Variants in MXI1 observed in about 807,000 individuals in gnomAD.
MXI1 encodes the protein max-interacting protein 1.
MXI1 carries 18 observed loss-of-function variants against 36.9 expected under a neutral mutation model. That is an observed-to-expected ratio of 0.49 (90% CI 0.34 to 0.72). The LOEUF (loss-of-function observed/expected upper bound fraction) is 0.72, where lower values mean the gene tolerates loss of function less well. MXI1 is among the 30% of genes least tolerant of loss of function. The probability of loss-of-function intolerance (pLI) is 0.01; values close to 1 mark genes in which losing one functional copy is unlikely to be tolerated. For missense variants in MXI1, 304 were observed against 379.1 expected (o/e 0.80, Z 1.64); for synonymous variants, 160 against 146.7 (o/e 1.09, Z -0.65).
At chr10:110,237,341 T>A (rs958525318) in intron 2 of MXI1, among the ~76,000 whole-genome samples, 1 of 152,190 alleles carries the variant, frequency 6.6e-6, no homozygotes. Context: ...CTTAGATGCC[T>A]TTTAGGTTGA....
At chr10:110,227,194 GGGTCGCGC>G in intron 1 of MXI1, 1 of 414,678 alleles carries the variant, frequency 2.4e-6, no homozygotes, top group Non-Finnish European at 3.1e-6. Context: ...TGTGCGGGGA[GGGTCGCGC>G]GTGTGTGAGG....
intron 3 of MXI1, among the ~76,000 whole-genome samples, chr10:110,276,991 G>A (rs1216690942): frequency 1.3e-5 from 2 of 151,860 alleles, no homozygotes; most frequent in Non-Finnish European, 2.9e-5. Context: ...GATTACAGGC[G>A]TGCACCACCA....
In MXI1 at chr10:110,208,168, G is replaced by A. The variant is rs1451167173; in HGVS notation, c.274+86G>A. On this transcript the variant is annotated intron_variant, in intron 1 of 5. Transcript: ENST00000332674. ...GCGACCCCTGTTGCGAGCTCGGCCCGTCCCCCCCCCGCCCAACATACACAT... is the reference window on the plus strand; with the variant it reads ...GCGACCCCTGTTGCGAGCTCGGCCCATCCCCCCCCCGCCCAACATACACAT... The A allele has an allele frequency of 1.3e-5, 18 of 1,387,570 alleles. No individual in the cohort carries two copies. The Admixed American group carries it at 4.0e-4, about 31-fold the overall frequency. The allele number at this position is 1,387,570 out of a possible 1,614,324, so 86.0% of individuals were successfully genotyped here. A position where few individuals can be genotyped will look rare whatever the true frequency, so the allele number is the denominator to read the frequency against.
At chr10:110,270,418 C>A (rs371540751) in intron 3 of MXI1, among the ~76,000 whole-genome samples, 1 of 151,534 alleles carries the variant, frequency 6.6e-6, no homozygotes, top group African/African-American at 2.4e-5. Flanking sequence ...AGAACAAATG[C>A]CTCTGGAACA....
intron 1 of MXI1, among the ~76,000 whole-genome samples, chr10:110,209,822 C>T (rs747179986): frequency 5.3e-5 from 8 of 152,196 alleles, no homozygotes; most frequent in Non-Finnish European, 1.0e-4. Context: ...CCATCCCCGG[C>T]TACCAGTTCT....
In MXI1 at chr10:110,283,542, C is replaced by T. The variant is rs146462861; in HGVS notation, c.725-1282C>T. ...GCCTCCCAAAGTGCTTGGCCGCACCCGGCTGAATCCACTTTTTTTTTTTTT... is the reference window on the plus strand; with the variant it reads ...GCCTCCCAAAGTGCTTGGCCGCACCTGGCTGAATCCACTTTTTTTTTTTTT... On this transcript the variant is annotated intron_variant, in intron 5 of 5. Coordinates refer to ENST00000332674, the MANE Select transcript of MXI1 (RefSeq NM_130439.3). Among the ~76,000 whole-genome samples the T allele has an allele frequency of 2.9e-3, 423 of 144,848 alleles. 3 individuals are homozygous for T. The highest frequency in any genetic ancestry group is 9.7e-3 in the African/African-American group (398 of 41,022).
chr10:110,244,969 G>A, intron 3 of MXI1, 112 bp downstream of exon 3: 3 of 1,055,378 alleles, frequency 2.8e-6, no homozygotes, highest in East Asian at 2.6e-5. Flanking sequence ...TTTTTCAGAT[G>A]TATAGCCCAT....
chr10:110,266,139 G>A (rs972067241), intron 3 of MXI1, among the ~76,000 whole-genome samples: 4 of 150,210 alleles, frequency 2.7e-5, no homozygotes, highest in Admixed American at 2.7e-4. Context: ...ACAGAGTCTC[G>A]CTCAGTTGCC....
intron 1 of MXI1, among the ~76,000 whole-genome samples, chr10:110,221,393 G>A (rs1411750248): frequency 6.6e-6 from 1 of 152,134 alleles, no homozygotes; most frequent in African/African-American, 2.4e-5. Context: ...TGTTATTTGG[G>A]GAAATATTCA....
At chr10:110,216,662 A>ATTTTTTTTTTTTTTTTTTTT (rs1854643140) in intron 1 of MXI1, among the ~76,000 whole-genome samples, 1 of 63,256 alleles carries the variant, frequency 1.6e-5, no homozygotes, top group African/African-American at 1.3e-4. Flanking sequence ...ATCTGTGTTT[A>ATTTTTTTTTTTTTTTTTTTT]ATGTTTTTTT....
At chr10:110,251,097 T>C (rs1308723313) in intron 3 of MXI1, among the ~76,000 whole-genome samples, 1 of 149,360 alleles carries the variant, frequency 6.7e-6, no homozygotes. Flanking sequence ...CACCTACCTC[T>C]GAGGGAAAAT....
intron 1 of MXI1, among the ~76,000 whole-genome samples, chr10:110,225,710 C>T (rs1371278267): frequency 1.3e-5 from 2 of 152,168 alleles, no homozygotes; most frequent in African/African-American, 4.8e-5. Context: ...TCCCATTCCA[C>T]ATCGTGTCTG....
At chr10:110,258,826 T>C (rs1238245141) in intron 3 of MXI1, among the ~76,000 whole-genome samples, 1 of 152,168 alleles carries the variant, frequency 6.6e-6, no homozygotes, top group Non-Finnish European at 1.5e-5. Flanking sequence ...ACAGTTTCTA[T>C]ACTGACCTTT....
chr10:110,240,252 A>G (rs1257646158), intron 2 of MXI1, among the ~76,000 whole-genome samples: 1 of 152,112 alleles, frequency 6.6e-6, no homozygotes, highest in Non-Finnish European at 1.5e-5. Context: ...GTGAACATGT[A>G]AACATATATT....
chr10:110,211,482 G>A (rs528487759), intron 1 of MXI1, among the ~76,000 whole-genome samples: 1 of 152,328 alleles, frequency 6.6e-6, no homozygotes, highest in East Asian at 1.9e-4. Flanking sequence ...TTTCGGGTTC[G>A]GTGAGACCTT....
chr10:110,274,793 A>G (rs1184931653), intron 3 of MXI1, among the ~76,000 whole-genome samples: 1 of 150,566 alleles, frequency 6.6e-6, no homozygotes, highest in South Asian at 2.1e-4. Flanking sequence ...GTTATTCTCT[A>G]TGTCAGCTCT....
At chr10:110,269,938 C>A (rs1856802825) in intron 3 of MXI1, among the ~76,000 whole-genome samples, 1 of 152,064 alleles carries the variant, frequency 6.6e-6, no homozygotes, top group African/African-American at 2.4e-5. Flanking sequence ...CAACAAAAGG[C>A]CAAAGAGTAG....
intron 3 of MXI1, chr10:110,261,063 C>T (rs1856493864): frequency 6.1e-6 from 6 of 982,900 alleles, no homozygotes; most frequent in Middle Eastern, 1.0e-3. Flanking sequence ...AAAGAGCACA[C>T]TGCTCTTACA....
chr10:110,242,158 T>C (rs113649828), intron 2 of MXI1, among the ~76,000 whole-genome samples: 7,973 of 152,068 alleles, frequency 0.052, 320 homozygotes, highest in Middle Eastern at 0.15. Flanking sequence ...ATGTACCTAT[T>C]ATTTAAGCCT....
Sources: allele counts gnomAD v4.1 joint callset (sites outside exome capture counted in the v4.1 genomes callset), GRCh38; gene constraint gnomAD v4.1.1; transcripts MANE v1.5; gene names NCBI Gene and HGNC (gene_info 2026-07-23, HGNC 2026-07-21).